The following NAV2 variants were observed in gnomAD, a reference collection of about 807,000 sequenced individuals.
NAV2 encodes helicase, APC down-regulated 1.
A neutral mutation model predicts 223.2 loss-of-function variants in NAV2; 54 were observed. The ratio of observed to expected loss-of-function variants is 0.24; its 90% CI spans 0.19 to 0.30. The LOEUF is 0.30. Ranked by LOEUF, NAV2 falls within the 10% of genes least tolerant of loss-of-function variation. NAV2 has a pLI of 1.00. For missense variants in NAV2, 2,806 were observed against 3,147.5 expected, an observed-to-expected ratio of 0.89 and a Z score of 2.60; for synonymous variants, 1,279 against 1,239.3, an observed-to-expected ratio of 1.03 and a Z score of -0.67.
upstream of NAV2, among the ~76,000 whole-genome samples, chr11:19,709,743 C>T (rs1459179789): frequency 6.6e-6 from 1 of 151,776 alleles, no homozygotes; most frequent in Non-Finnish European, 1.5e-5. Context: ...CAAGATCGCG[C>T]CATTGCACTC....
intron 12 of NAV2, among the ~76,000 whole-genome samples, chr11:20,037,227 C>T (rs562822232): frequency 5.3e-5 from 8 of 152,018 alleles, no homozygotes; most frequent in African/African-American, 1.2e-4. Flanking sequence ...AGCAACCTTG[C>T]GGGGAGGCAG....
intron 6 of NAV2, among the ~76,000 whole-genome samples, chr11:19,893,646 G>A (rs1423645861): frequency 1.3e-5 from 2 of 152,170 alleles, no homozygotes; most frequent in African/African-American, 4.8e-5. Context: ...TGAAGGAAAT[G>A]TATACAGGGC....
At chr11:19,570,025 A>T (rs1784679500) in intron 1 of NAV2, among the ~76,000 whole-genome samples, 5 of 152,200 alleles carry the variant, frequency 3.3e-5, no homozygotes, top group Admixed American at 3.3e-4. Context: ...ATCAGGGGGA[A>T]CATCTGTATT....
chr11:19,738,351 G>A (rs1345331292), intron 1 of NAV2, among the ~76,000 whole-genome samples: 1 of 152,258 alleles, frequency 6.6e-6, no homozygotes, highest in Non-Finnish European at 1.5e-5. Context: ...GAGCCTGTCA[G>A]CCTTGCCCAG....
At chr11:19,925,431 T>A (rs7102428) in intron 6 of NAV2, among the ~76,000 whole-genome samples, 28,068 of 152,168 alleles carry the variant, frequency 0.18, 2,989 homozygotes, top group East Asian at 0.38. Flanking sequence ...AGATCCATTT[T>A]GAGTTAATCT....
chr11:19,803,285 C>T (rs2058370545), intron 1 of NAV2, among the ~76,000 whole-genome samples: 1 of 152,198 alleles, frequency 6.6e-6, no homozygotes, highest in Admixed American at 6.5e-5. Flanking sequence ...ACACAGAGCG[C>T]ATCAGCTTTG....
intron 1 of NAV2, among the ~76,000 whole-genome samples, chr11:19,678,467 C>G (rs1472289941): frequency 6.6e-6 from 1 of 152,176 alleles, no homozygotes; most frequent in Non-Finnish European, 1.5e-5. Flanking sequence ...GGGTCAAGAG[C>G]TTAACCCTGT....
intron 10 of NAV2, among the ~76,000 whole-genome samples, chr11:19,982,247 GTTTTGTTTTTGT>G (rs970772996): frequency 1.4e-5 from 2 of 142,858 alleles, no homozygotes; most frequent in Non-Finnish European, 3.1e-5. Flanking sequence ...TTTCTTTTTT[GTTTTGTTTTTGT>G]TTTTGTTTTG....
At chr11:19,368,431 A>G (rs1271387974) in intron 1 of NAV2, among the ~76,000 whole-genome samples, 1 of 152,208 alleles carries the variant, frequency 6.6e-6, no homozygotes, top group Non-Finnish European at 1.5e-5. Flanking sequence ...CTTCCCATCT[A>G]CTGCAGCAGG....
rs752246924 is a variant in NAV2, at chr11:19,949,013, G to T, written c.2578G>T (p.Ala860Ser). 8 of 1,613,732 alleles carry T rather than the reference G, an allele frequency of 5.0e-6. No individual in the cohort carries two copies. The highest frequency in any genetic ancestry group is 1.1e-5 in the South Asian group (1 of 91,060). The change falls in exon 10 of 38, where the codon GCC becomes TCC. Residue 860 changes from alanine to serine, a missense_variant. Ala to Ser is a moderately conservative substitution (Grantham distance 99). Around this residue, in one of 4 missense-constraint regions of NAV2, gnomAD observed 1,167 missense variants for 1,180.5 expected, o/e 0.99. Transcript: ENST00000349880. ...GGACCTGGAAGGCATCAGCATGGATGCCCCCGGCTACATGAGCGACGGGGA... is the reference window on the plus strand; with the variant it reads ...GGACCTGGAAGGCATCAGCATGGATTCCCCCGGCTACATGAGCGACGGGGA... The part of the protein sequence containing the change: ...EMDLEGISMD[A>S]PGYMSDGDVL...
intron 1 of NAV2, among the ~76,000 whole-genome samples, chr11:19,630,175 T>A (rs2047304292): frequency 6.6e-6 from 1 of 152,294 alleles, no homozygotes; most frequent in East Asian, 1.9e-4. Flanking sequence ...AAATTATATA[T>A]CATTTGCTTC....
intron 3 of NAV2, among the ~76,000 whole-genome samples, chr11:19,863,220 T>C (rs1001203789): frequency 2.0e-5 from 3 of 152,220 alleles, no homozygotes; most frequent in Middle Eastern, 3.2e-3. Flanking sequence ...AAGAGACCCT[T>C]GCTTTCGCTC....
chr11:19,454,142 G>T (rs1216547721), intron 1 of NAV2, among the ~76,000 whole-genome samples: 1 of 152,196 alleles, frequency 6.6e-6, no homozygotes, highest in Non-Finnish European at 1.5e-5. Context: ...GCACTGAGAG[G>T]TGAAGGCTGG....
At chr11:20,051,475 C>T in intron 17 of NAV2, 142 bp downstream of exon 17, 1 of 762,218 alleles carries the variant, frequency 1.3e-6, no homozygotes, top group Non-Finnish European at 2.4e-6. Context: ...TGGATGACGG[C>T]TCCCCTTGCA....
chr11:19,475,888 T>C (rs1309956145), intron 1 of NAV2, among the ~76,000 whole-genome samples: 1 of 152,288 alleles, frequency 6.6e-6, no homozygotes, highest in Non-Finnish European at 1.5e-5. Context: ...ACGAAGTGGC[T>C]GCCCCTTGGC....
Position 19,984,186 on chromosome 11 carries a change from A to G in NAV2, c.2707A>G (p.Met903Val). ...TRRLNRLPDG[M>V]AVVRETLQRN... Reference sequence around the variant, plus strand: ...TCGCCTGAACCGGCTCCCTGATGGGATGGCTGTGGTACGGGAGACCCTGCA... The same window carrying G: ...TCGCCTGAACCGGCTCCCTGATGGGGTGGCTGTGGTACGGGAGACCCTGCA... The change falls in exon 11 of 38, where the codon ATG (methionine) becomes GTG (valine). Residue 903 changes from methionine (M) to valine (V), a missense_variant. Coordinates refer to ENST00000349880, the MANE Select transcript of NAV2 (RefSeq NM_145117.5). The G allele has an allele frequency of 1.2e-6, 2 of 1,614,054 alleles. No homozygotes were observed. Among genetic ancestry groups the G allele is most frequent in the Non-Finnish European group, 1.7e-6 (2 of 1,179,990 alleles).
At chr11:19,616,803 C>T (rs1339341376) in intron 1 of NAV2, among the ~76,000 whole-genome samples, 1 of 152,038 alleles carries the variant, frequency 6.6e-6, no homozygotes, top group Non-Finnish European at 1.5e-5. Flanking sequence ...CTTTTCAGTC[C>T]TCAGAATAGG....
intron 1 of NAV2, among the ~76,000 whole-genome samples, chr11:19,406,341 T>C (rs943926513): frequency 3.9e-5 from 6 of 152,136 alleles, no homozygotes; most frequent in African/African-American, 9.7e-5. Context: ...TCCTGTCTAA[T>C]AGGACGTGGG....
rs142768358 is a variant in NAV2, at chr11:20,016,649, A to G, written c.2769-19310A>G. ...AGGGATCCACAATCTGGGTAAATGCAAAGAGTGAGGTCCTGCTTCCCTGGA... is the reference window on the plus strand; with the variant it reads ...AGGGATCCACAATCTGGGTAAATGCGAAGAGTGAGGTCCTGCTTCCCTGGA... On this transcript the variant is annotated intron_variant, in intron 11 of 37. Coordinates refer to ENST00000349880, the MANE Select transcript of NAV2 (RefSeq NM_145117.5). 2.6e-3 allele frequency among the ~76,000 whole-genome samples: 398 copies of G among 152,326 alleles called. 2 individuals carry two copies. The highest frequency in any genetic ancestry group is 8.9e-3 in the African/African-American group (370 of 41,576).
Sources: gnomAD v4.1 joint callset for allele counts (sites outside exome capture counted in the v4.1 genomes callset) on GRCh38, gnomAD v4.1.1 for gene constraint, gnomAD v4.1.1 regional missense constraint, MANE v1.5 for transcripts, NCBI Gene and HGNC (gene_info 2026-07-23, HGNC 2026-07-21) for gene names.